Variants in ABHD2 observed in about 807,000 individuals in gnomAD.
The protein encoded by ABHD2 is monoacylglycerol lipase ABHD2.
ABHD2 carries 20 observed loss-of-function variants against 48.1 expected under a neutral mutation model. That is an observed-to-expected ratio of 0.42 (90% CI 0.29 to 0.60). ABHD2 has a LOEUF of 0.60. ABHD2 is among the 20% of genes least tolerant of loss of function. The pLI, the probability that ABHD2 is intolerant of heterozygous loss-of-function variation, is 0.24. For missense variants in ABHD2, 405 were observed against 550.9 expected (o/e 0.74, Z 2.65); for synonymous variants, 209 against 214.2 (o/e 0.98, Z 0.21).
rs1330764118 is a variant in ABHD2 at position 89,199,541 on chromosome 15, C to T, written c.*4118C>T. The T allele has an allele frequency of 1.3e-5, 2 of 152,600 alleles. No homozygotes were observed. The highest frequency in any genetic ancestry group is 1.9e-4 in the East Asian group (1 of 5,192). The allele number at this position is 152,600 out of a possible 1,614,324, so 9.5% of individuals were successfully genotyped here. A position where few individuals can be genotyped will look rare whatever the true frequency, so the allele number is the denominator to read the frequency against. On this transcript the variant is annotated 3_prime_UTR_variant, in exon 11 of 11. Transcript: ENST00000352732. The surrounding 1 kb of genome is among the most constrained non-coding windows in gnomAD (Gnocchi z 4.1). ...GTTTGAAGCGAAGCTGCAGCAAAAC[C>T]AGAGAATTTCCTCAAGTGGCCTGTA...
rs2051069700 is a variant in ABHD2, at chr15:89,179,346, C to T, written c.722+3351C>T. On this transcript the variant is annotated intron_variant, in intron 6 of 10. Coordinates refer to ENST00000352732, the MANE Select transcript of ABHD2 (RefSeq NM_152924.5). This position sits in a 1 kb window ranked among gnomAD's most constrained non-coding sequence, Gnocchi z 4.3. The stretch of plus-strand genomic sequence containing the variant: ...ACCTTCATCTGTATTTAGTCTCATT[C>T]CCCATTGATCACATTACTGCCTGAG... 6.6e-6 allele frequency among the ~76,000 whole-genome samples: 1 copy of T among 152,196 alleles called. No individual in the cohort carries two copies. The highest frequency in any genetic ancestry group is 6.5e-5 in the Admixed American group (1 of 15,284).
At position 89,094,549 on chromosome 15, in the gene ABHD2, A is replaced by G. The variant is rs1027047605; in HGVS notation, c.-107+5986A>G. On this transcript the variant is annotated intron_variant, in intron 1 of 10. Transcript: ENST00000352732. The surrounding 1 kb of genome is among the most constrained non-coding windows in gnomAD (Gnocchi z 4.7). Reference sequence around the variant, plus strand: ...ATGGTGAAACCCCGTCTCTACTAAAAATACAAAAATTAGCTGAGCATGGTG... The same window carrying G: ...ATGGTGAAACCCCGTCTCTACTAAAGATACAAAAATTAGCTGAGCATGGTG... Among the ~76,000 whole-genome samples the G allele has an allele frequency of 6.6e-6, 1 of 151,636 alleles. No homozygotes were observed. Among genetic ancestry groups the G allele is most frequent in the African/African-American group, 2.4e-5 (1 of 41,244 alleles).
intron 3 of ABHD2, chr15:89,135,973 C>T (rs1246484289): frequency 8.3e-6 from 3 of 363,426 alleles, no homozygotes; most frequent in Non-Finnish European, 1.5e-5. Flanking sequence ...GTTGCCCAGG[C>T]TGGAGTGCAA....
At position 89,114,991 on chromosome 15, in the gene ABHD2, A is replaced by G. The variant is rs1406656479; in HGVS notation, c.-7+1167A>G. ...AATCCCTGCCAGAGATTTTCTGCCA[A>G]AGTGACCTCGAGTTTAGAAAAGGGT... On this transcript the variant is annotated intron_variant, in intron 2 of 10. Coordinates refer to ENST00000352732, the MANE Select transcript of ABHD2 (RefSeq NM_152924.5). The surrounding 1 kb of genome is among the most constrained non-coding windows in gnomAD (Gnocchi z 4.2). Among the ~76,000 whole-genome samples, 5 of 152,206 alleles carry G rather than the reference A, an allele frequency of 3.3e-5. No homozygotes were observed. The highest frequency in any genetic ancestry group is 7.3e-5 in the Non-Finnish European group (5 of 68,034).
At chr15:89,090,226 A>C (rs1901540467) in intron 1 of ABHD2, 1 of 152,128 alleles carries the variant, frequency 6.6e-6, no homozygotes, top group Non-Finnish European at 1.5e-5. Flanking sequence ...CTGGCTGTAC[A>C]ACCTTGGGCA....
At chr15:89,132,284 A>C (rs1348907950) in intron 3 of ABHD2, among the ~76,000 whole-genome samples, 2 of 152,186 alleles carry the variant, frequency 1.3e-5, no homozygotes, top group African/African-American at 4.8e-5. Context: ...TAATAATAAG[A>C]ATCGCTGTAA....
chr15:89,062,497 T>TA, the ABHD2 span, among the ~76,000 whole-genome samples: 1 of 151,996 alleles, frequency 6.6e-6, no homozygotes, highest in Non-Finnish European at 1.5e-5. Flanking sequence ...AAGGGAGTAT[T>TA]AACTCCACTT....
In ABHD2 at chr15:89,185,349, T is replaced by A. The variant is rs2051188311; in HGVS notation, c.723-75T>A. The A allele has an allele frequency of 2.5e-6, 3 of 1,197,632 alleles. No homozygotes were observed. In the Admixed American group the frequency reaches 5.5e-5, roughly 22 times the overall value. 74.2% of individuals were successfully genotyped at this position (1,197,632 alleles called of 1,614,324 possible). On this transcript the variant is annotated intron_variant, in intron 6 of 10. Transcript: ENST00000352732. This position sits in a 1 kb window ranked among gnomAD's most constrained non-coding sequence, Gnocchi z 5.9. ...CTCTCCACACAAGCACCTCACCCCATGGCTAGAGCCCCCTCCTGGCTGCCC... is the reference window on the plus strand; with the variant it reads ...CTCTCCACACAAGCACCTCACCCCAAGGCTAGAGCCCCCTCCTGGCTGCCC...
In ABHD2 at chr15:89,198,894, T is replaced by A. The variant is rs1262433790; in HGVS notation, c.*3471T>A. 1 of 152,234 alleles carries A rather than the reference T, an allele frequency of 6.6e-6. No homozygotes were observed. The highest frequency in any genetic ancestry group is 6.5e-5 in the Admixed American group (1 of 15,274). 9.4% of individuals were successfully genotyped at this position (152,234 alleles called of 1,614,324 possible). ...TTGTCCAAAGCCCTGTGTCTTTGACTGGCTTCTCTTCAGAGTCCCCGTTGT... is the reference window on the plus strand; with the variant it reads ...TTGTCCAAAGCCCTGTGTCTTTGACAGGCTTCTCTTCAGAGTCCCCGTTGT... On this transcript the variant is annotated 3_prime_UTR_variant, in exon 11 of 11. Transcript: ENST00000352732. The surrounding 1 kb of genome is among the most constrained non-coding windows in gnomAD (Gnocchi z 5.1).
At chr15:89,111,883 G>T (rs1247770954) in intron 1 of ABHD2, among the ~76,000 whole-genome samples, 1 of 151,952 alleles carries the variant, frequency 6.6e-6, no homozygotes, top group African/African-American at 2.4e-5. Flanking sequence ...ACTACATCTT[G>T]TTATCCTATC....
At chr15:89,085,156 C>T (rs1901331177), upstream of ABHD2, among the ~76,000 whole-genome samples, 1 of 152,132 alleles carries the variant, frequency 6.6e-6, no homozygotes, top group South Asian at 2.1e-4. The surrounding 1 kb of genome is among the most constrained non-coding windows in gnomAD (Gnocchi z 4.2). Context: ...GAGTTAGAAG[C>T]AGTTCTGCTT....
chr15:89,099,085 G>A (rs2049659495), intron 1 of ABHD2, among the ~76,000 whole-genome samples: 1 of 152,190 alleles, frequency 6.6e-6, no homozygotes, highest in East Asian at 1.9e-4. Flanking sequence ...TGCATTAATA[G>A]TAACTCACAG....
chr15:89,177,955 G>A lies in ABHD2; in HGVS notation c.722+1960G>A, dbSNP rs1227917610. 2.6e-5 allele frequency among the ~76,000 whole-genome samples: 4 copies of A among 152,150 alleles called. No individual in the cohort carries two copies. The highest frequency in any genetic ancestry group is 5.9e-5 in the Non-Finnish European group (4 of 68,030). On this transcript the variant is annotated intron_variant, in intron 6 of 10. Transcript: ENST00000352732. The surrounding 1 kb of genome is among the most constrained non-coding windows in gnomAD (Gnocchi z 5.6). The stretch of plus-strand genomic sequence containing the variant: ...CTGTCAGCAAGAGCACATGATTGAC[G>A]CAGCAAGCTAAGGTGTTTGAACTAA...
chr15:89,086,168 C>G (rs774253907), upstream of ABHD2, among the ~76,000 whole-genome samples: 3 of 151,950 alleles, frequency 2.0e-5, no homozygotes, highest in Non-Finnish European at 4.4e-5. Context: ...GCTGGGATTA[C>G]AGGTGTGTGC....
rs60461165 is a variant in ABHD2 at position 89,189,331 on chromosome 15, T to C, written c.926+1028T>C. 0.067 allele frequency among the ~76,000 whole-genome samples: 9,855 copies of C among 147,896 alleles called. 439 individuals carry two copies. The highest frequency in any genetic ancestry group is 0.14 in the East Asian group (718 of 5,036). On this transcript the variant is annotated intron_variant, in intron 8 of 10. Coordinates refer to ENST00000352732, the MANE Select transcript of ABHD2 (RefSeq NM_152924.5). The surrounding 1 kb of genome is among the most constrained non-coding windows in gnomAD (Gnocchi z 4.9). Reference sequence around the variant, plus strand: ...AAGTCCCTGTCTCTACAAAAAAAAATTGAAAAATAAAAATAGCCGGGCATA... The same window carrying C: ...AAGTCCCTGTCTCTACAAAAAAAAACTGAAAAATAAAAATAGCCGGGCATA...
At position 89,114,006 on chromosome 15, in the gene ABHD2, A is replaced by C. The variant is rs533407085; in HGVS notation, c.-7+182A>C. Among the ~76,000 whole-genome samples the C allele has an allele frequency of 6.6e-6, 1 of 152,366 alleles. No individual in the cohort carries two copies. The highest frequency in any genetic ancestry group is 2.4e-5 in the African/African-American group (1 of 41,582). Reference sequence around the variant, plus strand: ...TCTGTTTCCAACAAAGGTGATGAGGAAGAACTTCTAGTTCAGTTCTGTATT... The same window carrying C: ...TCTGTTTCCAACAAAGGTGATGAGGCAGAACTTCTAGTTCAGTTCTGTATT... On this transcript the variant is annotated intron_variant, in intron 2 of 10. Transcript: ENST00000352732. This position sits in a 1 kb window ranked among gnomAD's most constrained non-coding sequence, Gnocchi z 4.2.
chr15:89,089,538 G>T (rs1417113261), intron 1 of ABHD2, among the ~76,000 whole-genome samples: 1 of 152,066 alleles, frequency 6.6e-6, no homozygotes, highest in Non-Finnish European at 1.5e-5. Context: ...CTCTTTTTTG[G>T]TTGCTGGACC....
chr15:89,147,371 T>G (rs1156788940), intron 3 of ABHD2, among the ~76,000 whole-genome samples: 1 of 113,848 alleles, frequency 8.8e-6, no homozygotes, highest in Non-Finnish European at 1.8e-5. Flanking sequence ...TTTTTTTTTT[T>G]GAGACAGAGT....
rs563537417 is a variant in ABHD2, at chr15:89,158,684, T to C, written c.538+3150T>C. On this transcript the variant is annotated intron_variant, in intron 5 of 10. Coordinates refer to ENST00000352732, the MANE Select transcript of ABHD2 (RefSeq NM_152924.5). ...GTTGATTACATATAGTAAACATTTA[T>C]TGTATGTTAGGTTCATTCTTTTTGT... Among the ~76,000 whole-genome samples, 6 of 152,328 alleles carry C rather than the reference T, an allele frequency of 3.9e-5. No homozygotes were observed. In the South Asian group the frequency reaches 8.3e-4, roughly 21 times the overall value.
Sources: allele counts gnomAD v4.1 joint callset (sites outside exome capture counted in the v4.1 genomes callset), GRCh38; gene constraint gnomAD v4.1.1; non-coding constraint Gnocchi (gnomAD v3.1); transcripts MANE v1.5; gene names NCBI Gene and HGNC (gene_info 2026-07-23, HGNC 2026-07-21).